Variants in SEMA6A observed in about 807,000 individuals in gnomAD.
SEMA6A encodes the protein semaphorin 6A.
Under a neutral mutation model 96.8 loss-of-function variants are expected in SEMA6A, and 25 were observed. That is an observed-to-expected ratio of 0.26 (90% CI 0.19 to 0.36). The LOEUF (loss-of-function observed/expected upper bound fraction) is 0.36, where lower values mean the gene tolerates loss of function less well. Among genes scored for constraint, SEMA6A ranks in the 10% least tolerant of loss-of-function variants. The pLI is 1.00. For missense variants in SEMA6A, 1,363 were observed against 1,323.1 expected, an observed-to-expected ratio of 1.03 and a Z score of -0.47; for synonymous variants, 612 against 518.0, an observed-to-expected ratio of 1.18 and a Z score of -2.46.
intron 1 of SEMA6A, among the ~76,000 whole-genome samples, chr5:116,561,766 ATT>A (rs941312636): frequency 6.6e-6 from 1 of 152,178 alleles, no homozygotes; most frequent in Non-Finnish European, 1.5e-5. Context: ...TTTGGGCAAT[ATT>A]AACAGGTTTT....
At chr5:116,476,530 T>C (rs1330908409) in intron 15 of SEMA6A, among the ~76,000 whole-genome samples, 1 of 152,288 alleles carries the variant, frequency 6.6e-6, no homozygotes, top group East Asian at 1.9e-4. Flanking sequence ...TGACAGCCAA[T>C]ATTCATCATG....
chr5:116,456,467 A>G (rs997245981), intron 18 of SEMA6A, among the ~76,000 whole-genome samples: 5 of 152,190 alleles, frequency 3.3e-5, no homozygotes, highest in Non-Finnish European at 7.4e-5. Context: ...TTGGAAAGAC[A>G]ATCAAATTCC....
At chr5:116,464,767 C>T (rs939296384) in intron 18 of SEMA6A, among the ~76,000 whole-genome samples, 1 of 152,184 alleles carries the variant, frequency 6.6e-6, no homozygotes, top group African/African-American at 2.4e-5. Context: ...AAGAAAAACG[C>T]AGCAAACATA....
chr5:116,447,174 C>T lies in SEMA6A; in HGVS notation c.2532G>A (p.Glu844=). 6.2e-7 allele frequency: 1 copy of T among 1,614,060 alleles called. No individual in the cohort carries two copies. The part of the protein sequence containing the change: ...KMSEVAQMAL[E]DQAATLEYKT... ...TATACTCCAGTGTGGCGGCCTGGTC[C>T]TCCAGCGCCATCTGGGCCACCTCGC... The change falls in exon 19 of 19, where the codon GAG becomes GAA. Residue 844 remains glutamate (E), a synonymous_variant. Transcript: ENST00000343348.
chr5:116,461,429 C>G (rs1755389280), intron 18 of SEMA6A, among the ~76,000 whole-genome samples: 1 of 151,946 alleles, frequency 6.6e-6, no homozygotes, highest in Non-Finnish European at 1.5e-5. Context: ...ATCATTTTTA[C>G]TAATAAAAGG....
intron 1 of SEMA6A, among the ~76,000 whole-genome samples, chr5:116,531,466 C>T (rs972183518): frequency 4.6e-5 from 7 of 152,122 alleles, no homozygotes; most frequent in African/African-American, 1.7e-4. Flanking sequence ...CGACTGGAGA[C>T]ATTTCCCAGG....
Position 116,482,399 on chromosome 5 carries a change from G to T in SEMA6A, c.1094+45C>A, listed in dbSNP as rs1370793628. 4.4e-6 allele frequency: 7 copies of T among 1,587,974 alleles called. No homozygotes were observed. In the East Asian group the frequency reaches 1.1e-4, roughly 26 times the overall value. ...GTTCATTATCAGAGGTGCAAGCTTTGCCATTTCTAAAGTTTAAAATAGCCA... is the reference window on the plus strand; with the variant it reads ...GTTCATTATCAGAGGTGCAAGCTTTTCCATTTCTAAAGTTTAAAATAGCCA... On this transcript the variant is annotated intron_variant, in intron 11 of 18. Coordinates refer to ENST00000343348, the MANE Select transcript of SEMA6A (RefSeq NM_020796.5).
intron 3 of SEMA6A, chr5:116,498,523 C>G (rs2112756015): frequency 1.4e-5 from 2 of 139,464 alleles, no homozygotes; most frequent in South Asian, 4.4e-4. Flanking sequence ...GCGGGAAGGG[C>G]AGTTGGCTTA....
rs201695971 is a variant in SEMA6A at position 116,478,670 on chromosome 5, C to A, written c.1299G>T (p.Gln433His). Residue 433 changes from glutamine to histidine, a missense_variant, in exon 13 of 19, where the codon CAG (glutamine) becomes CAT (histidine). This residue lies in a region of SEMA6A where 480 missense variants were observed against 559.5 expected (regional missense o/e 0.86). Transcript: ENST00000343348. ...ATCCCAGAAAAACCACAGTGTGATT[C>A]TGATATGGCCCAGCAGCTGTGTCCA... ...IAVDTAAGPYQNHTVVFLGSE... is the reference protein window; with the variant it reads ...IAVDTAAGPYHNHTVVFLGSE... The A allele has an allele frequency of 6.2e-7, 1 of 1,613,766 alleles. No homozygotes were observed. The highest frequency in any genetic ancestry group is 8.5e-7 in the Non-Finnish European group (1 of 1,179,816).
chr5:116,541,700 G>T (rs1321672021), intron 1 of SEMA6A, among the ~76,000 whole-genome samples: 1 of 152,144 alleles, frequency 6.6e-6, no homozygotes, highest in South Asian at 2.1e-4. Flanking sequence ...GGGCGTGGTG[G>T]CGTGCACCTG....
chr5:116,502,104 C>A, intron 3 of SEMA6A, 106 bp downstream of exon 3: 1 of 797,248 alleles, frequency 1.3e-6, no homozygotes, highest in Non-Finnish European at 2.1e-6. Context: ...TTAAATAACA[C>A]TCTATTTAGA....
chr5:116,503,128 CG>C (rs1757970624), intron 2 of SEMA6A, among the ~76,000 whole-genome samples: 1 of 152,122 alleles, frequency 6.6e-6, no homozygotes, highest in Non-Finnish European at 1.5e-5. Context: ...TTTACACCTA[CG>C]ATCTCCAGAG....
rs570304707 is a variant in SEMA6A, at chr5:116,503,335, A to G, written c.101-1008T>C. Among the ~76,000 whole-genome samples, 17 of 152,250 alleles carry G rather than the reference A, an allele frequency of 1.1e-4. No homozygotes were observed. The South Asian group carries it at 3.3e-3, about 30-fold the overall frequency. ...TGGGTATCTTATCAGGAGCCTTACT[A>G]TATTTTATTTACAAGGGAGCTTGGT... On this transcript the variant is annotated intron_variant, in intron 2 of 18. Coordinates refer to ENST00000343348, the MANE Select transcript of SEMA6A (RefSeq NM_020796.5).
intron 1 of SEMA6A, among the ~76,000 whole-genome samples, chr5:116,509,170 G>A (rs1758284627): frequency 6.6e-6 from 1 of 152,200 alleles, no homozygotes; most frequent in African/African-American, 2.4e-5. Flanking sequence ...GCATCTTCCA[G>A]AATGTTGGCA....
chr5:116,452,498 A>T (rs1238334668), intron 18 of SEMA6A, among the ~76,000 whole-genome samples: 1 of 150,876 alleles, frequency 6.6e-6, no homozygotes, highest in Admixed American at 6.6e-5. Context: ...GAAGTTCTTT[A>T]GAGTCCAAAG....
In SEMA6A at chr5:116,504,996, A is replaced by G. The variant is rs564297634; in HGVS notation, c.-38-14T>C. 7.7e-7 allele frequency: 1 copy of G among 1,298,340 alleles called. No homozygotes were observed. Among genetic ancestry groups the G allele is most frequent in the East Asian group, 2.5e-5 (1 of 39,766 alleles). The allele number at this position is 1,298,340 out of a possible 1,614,324, so 80.4% of individuals were successfully genotyped here. On this transcript the variant is annotated splice_polypyrimidine_tract_variant and intron_variant, in intron 1 of 18. Coordinates refer to ENST00000343348, the MANE Select transcript of SEMA6A (RefSeq NM_020796.5). ...CTCTACTTCACCCTGCCAAAAAGTAAAGAACAGATTTTTTTCCAAGTCAGC... is the reference window on the plus strand; with the variant it reads ...CTCTACTTCACCCTGCCAAAAAGTAGAGAACAGATTTTTTTCCAAGTCAGC...
At chr5:116,569,839 C>G (rs1761139682) in intron 1 of SEMA6A, among the ~76,000 whole-genome samples, 1 of 152,108 alleles carries the variant, frequency 6.6e-6, no homozygotes, top group African/African-American at 2.4e-5. Context: ...GAGAAAGATA[C>G]AGAATTAGGT....
chr5:116,454,789 A>AGTGT (rs10699953), intron 18 of SEMA6A, among the ~76,000 whole-genome samples: 372 of 150,438 alleles, frequency 2.5e-3, no homozygotes, highest in Middle Eastern at 0.01. Context: ...TTTTCCTTTA[A>AGTGT]GTGTGTGTGT....
intron 11 of SEMA6A, among the ~76,000 whole-genome samples, chr5:116,480,686 C>T (rs1428787947): frequency 2.0e-5 from 3 of 151,842 alleles, no homozygotes; most frequent in East Asian, 1.9e-4. Flanking sequence ...TTGACGTTTT[C>T]GCAAGTGTAG....
Sources: gnomAD v4.1 joint callset for allele counts (sites outside exome capture counted in the v4.1 genomes callset) on GRCh38, gnomAD v4.1.1 for gene constraint, gnomAD v4.1.1 regional missense constraint, MANE v1.5 for transcripts, NCBI Gene and HGNC (gene_info 2026-07-23, HGNC 2026-07-21) for gene names.